Variants in TOR1AIP2 observed in about 807,000 individuals in gnomAD.
TOR1AIP2 encodes the protein torsin 1A interacting protein 2.
A neutral mutation model predicts 32.6 loss-of-function variants in TOR1AIP2; 20 were observed. That is an observed-to-expected ratio of 0.61 (90% CI 0.43 to 0.89). The LOEUF is 0.89. TOR1AIP2 is among the 40% of genes least tolerant of loss of function. The probability of loss-of-function intolerance (pLI) is 0.00; values close to 1 mark genes in which losing one functional copy is unlikely to be tolerated. For synonymous variants in TOR1AIP2, 214 were observed against 210.8 expected (o/e 1.02, Z -0.13); for missense variants, 456 against 553.8 (o/e 0.82, Z 1.77).
At chr1:179,864,742 A>T in intron 3 of TOR1AIP2, 1 of 1,527,810 alleles carries the variant, frequency 6.5e-7, no homozygotes, top group Non-Finnish European at 8.8e-7. Flanking sequence ...CTACCTACAC[A>T]AAAGCCTCTA....
chr1:179,850,512 CTCA>C (rs1016804112), intron 5 of TOR1AIP2, among the ~76,000 whole-genome samples: 1 of 152,202 alleles, frequency 6.6e-6, no homozygotes, highest in Non-Finnish European at 1.5e-5. Context: ...TCGAAATATT[CTCA>C]TAAGAAATAA....
intron 5 of TOR1AIP2, among the ~76,000 whole-genome samples, chr1:179,849,143 CAAAAA>C (rs1226734875): frequency 6.7e-6 from 1 of 148,790 alleles, no homozygotes; most frequent in African/African-American, 2.5e-5. Flanking sequence ...CTCAAAAAAA[CAAAAA>C]AAAAGAGATA....
chr1:179,854,097 T>C (rs572141829), intron 3 of TOR1AIP2, among the ~76,000 whole-genome samples: 1 of 152,300 alleles, frequency 6.6e-6, no homozygotes, highest in Admixed American at 6.5e-5. Flanking sequence ...GTTTCCTATG[T>C]ACCAATAACA....
At chr1:179,874,174 C>T (rs1322245671) in intron 2 of TOR1AIP2, 1 of 152,268 alleles carries the variant, frequency 6.6e-6, no homozygotes, top group Non-Finnish European at 1.5e-5. Context: ...CAGGCCCCAA[C>T]CTAGACCCAC....
intron 3 of TOR1AIP2, chr1:179,862,082 C>A: frequency 2.0e-6 from 2 of 985,370 alleles, no homozygotes; most frequent in Non-Finnish European, 2.4e-6. Flanking sequence ...ACCAAGAAAT[C>A]TCCATTTTTA....
At chr1:179,868,208 TC>T (rs900559151) in intron 2 of TOR1AIP2, 1 of 151,962 alleles carries the variant, frequency 6.6e-6, no homozygotes, top group Non-Finnish European at 1.5e-5. Flanking sequence ...TAGCCTCAAA[TC>T]CCCCCATATG....
rs1331836786 is a variant in TOR1AIP2 at position 179,851,306 on chromosome 1, G to A, written c.92C>T (p.Thr31Ile). The A allele has an allele frequency of 6.2e-7, 1 of 1,605,036 alleles. No homozygotes were observed. The change falls in exon 5 of 7, where the codon ACA (threonine) becomes ATA (isoleucine). Residue 31 changes from threonine to isoleucine, a missense_variant. Thr to Ile is a moderately conservative substitution (Grantham distance 89). Coordinates refer to ENST00000609928, the MANE Select transcript of TOR1AIP2 (RefSeq NM_001199260.2). ...PSVNSQAQETTIIASNAEEAE... is the reference protein window; with the variant it reads ...PSVNSQAQETIIIASNAEEAE... ...TTCTTCAGCATTACTTGCTATGATT[G>A]TGGTCTCCTGCGCCTGAGAATTTAC... is the stretch of plus-strand genomic sequence containing the variant.
intron 3 of TOR1AIP2, among the ~76,000 whole-genome samples, chr1:179,858,497 G>A (rs1410575096): frequency 6.6e-6 from 1 of 152,024 alleles, no homozygotes; most frequent in African/African-American, 2.4e-5. Context: ...CTGGGCAAAG[G>A]TCTTACTATA....
At position 179,852,675 on chromosome 1, in the gene TOR1AIP2, C is replaced by G; in HGVS notation, c.-10G>C. On this transcript the variant is annotated 5_prime_UTR_variant, in exon 4 of 7. Coordinates refer to ENST00000609928, the MANE Select transcript of TOR1AIP2 (RefSeq NM_001199260.2). ...GTCCACTGTCGGCCATGTTTGTGTT[C>G]TATCTCTTCAGAGTTGGGAGGATAC... 6.2e-7 allele frequency: 1 copy of G among 1,614,006 alleles called. No individual in the cohort carries two copies. Among genetic ancestry groups the G allele is most frequent in the African/African-American group, 1.3e-5 (1 of 75,022 alleles).
At chr1:179,852,346 G>C (rs1696149108) in intron 4 of TOR1AIP2, among the ~76,000 whole-genome samples, 1 of 151,632 alleles carries the variant, frequency 6.6e-6, no homozygotes, top group Non-Finnish European at 1.5e-5. Flanking sequence ...TAACTCTAAA[G>C]ATTTGTCTAC....
chr1:179,855,885 T>C (rs1696280351), intron 3 of TOR1AIP2, among the ~76,000 whole-genome samples: 1 of 152,140 alleles, frequency 6.6e-6, no homozygotes, highest in Non-Finnish European at 1.5e-5. Context: ...ATTATAGCAG[T>C]GAAGTACTGC....
At chr1:179,860,218 C>T (rs1329880710) in intron 3 of TOR1AIP2, 1 of 985,216 alleles carries the variant, frequency 1.0e-6, no homozygotes, top group African/African-American at 1.7e-5. Flanking sequence ...CACGGCGGCT[C>T]ATGCCTATAA....
intron 2 of TOR1AIP2, among the ~76,000 whole-genome samples, chr1:179,873,032 G>C (rs953073414): frequency 6.6e-6 from 1 of 152,148 alleles, no homozygotes; most frequent in African/African-American, 2.4e-5. Context: ...CAATTAACTA[G>C]AGGCCATATT....
intron 2 of TOR1AIP2, among the ~76,000 whole-genome samples, chr1:179,869,757 G>A (rs963781871): frequency 1.3e-5 from 2 of 152,184 alleles, no homozygotes; most frequent in Non-Finnish European, 2.9e-5. Context: ...TTTCTGTGTA[G>A]GGAAGTTGCT....
In TOR1AIP2 at chr1:179,840,750, G is replaced by C. The variant is rs1318112681; in HGVS notation, c.*5321C>G. ...CACACACTGGGGCCTGTCAGGGGGT[G>C]GGGGGCTGGGGGAGGGATAGCATTA... is the stretch of plus-strand genomic sequence containing the variant. On this transcript the variant is annotated 3_prime_UTR_variant, in exon 7 of 7. Transcript: ENST00000609928. The C allele has an allele frequency of 6.6e-6, 1 of 151,580 alleles. No homozygotes were observed. Among genetic ancestry groups the C allele is most frequent in the Non-Finnish European group, 1.5e-5 (1 of 67,934 alleles). The allele number at this position is 151,580 out of a possible 1,614,324, so 9.4% of individuals were successfully genotyped here. A position where few individuals can be genotyped will look rare whatever the true frequency, so the allele number is the denominator to read the frequency against.
At chr1:179,851,862 T>G (rs1393628985) in intron 4 of TOR1AIP2, among the ~76,000 whole-genome samples, 1 of 152,222 alleles carries the variant, frequency 6.6e-6, no homozygotes, top group Non-Finnish European at 1.5e-5. Flanking sequence ...TTAAATCTGG[T>G]AAGTTTCTAG....
intron 3 of TOR1AIP2, chr1:179,863,297 C>T (rs1696630173): frequency 2.0e-6 from 2 of 982,656 alleles, no homozygotes; most frequent in Non-Finnish European, 1.2e-6. Flanking sequence ...GCAATGCTAA[C>T]CCTATTCCCC....
chr1:179,865,343 T>C, intron 3 of TOR1AIP2, 93 bp downstream of exon 3: 1 of 804,972 alleles, frequency 1.2e-6, no homozygotes, highest in Non-Finnish European at 1.9e-6. Flanking sequence ...TCCGTGCAAT[T>C]CTTCAAGATT....
intron 5 of TOR1AIP2, 71 bp from the exon 6 acceptor site, chr1:179,847,707 T>A: frequency 9.8e-7 from 1 of 1,021,894 alleles, no homozygotes; most frequent in Non-Finnish European, 1.5e-6. Flanking sequence ...TTTATATCTC[T>A]CACCAAACCA....
Sources: allele counts gnomAD v4.1 joint callset (sites outside exome capture counted in the v4.1 genomes callset), GRCh38; gene constraint gnomAD v4.1.1; transcripts MANE v1.5; gene names NCBI Gene and HGNC (gene_info 2026-07-23, HGNC 2026-07-21).